CALD1: variants seen among roughly 807,000 people sequenced by gnomAD.
The protein encoded by CALD1 is caldesmon.
In CALD1, 33 loss-of-function variants were observed where a neutral mutation model predicts 99.9. The observed-to-expected ratio is 0.33, with a 90% CI of 0.25 to 0.44. CALD1 has a LOEUF of 0.44. Ranked by LOEUF, CALD1 falls within the 20% of genes least tolerant of loss-of-function variation. The pLI is 1.00. For missense variants in CALD1, 861 were observed against 962.1 expected (o/e 0.89, Z 1.39); for synonymous variants, 310 against 325.0 (o/e 0.95, Z 0.50).
At chr7:134,813,894 G>C (rs1798455502) in intron 1 of CALD1, among the ~76,000 whole-genome samples, 1 of 152,190 alleles carries the variant, frequency 6.6e-6, no homozygotes, top group Admixed American at 6.5e-5. Context: ...AGCTGGTAAA[G>C]GACGGTGGGT....
intron 8 of CALD1, chr7:134,948,229 T>A (rs1020983063): frequency 2.6e-5 from 4 of 156,794 alleles, no homozygotes; most frequent in Admixed American, 2.5e-4. Flanking sequence ...AAATCTTTTT[T>A]TTTTTTTAAT....
At chr7:134,737,993 C>T in the CALD1 span, among the ~76,000 whole-genome samples, 2 of 152,112 alleles carry the variant, frequency 1.3e-5, no homozygotes, top group East Asian at 3.8e-4. Context: ...TTTTTTTCCA[C>T]AAAGAGAGAC....
intron 3 of CALD1, among the ~76,000 whole-genome samples, chr7:134,913,990 T>C (rs1415006705): frequency 6.6e-6 from 1 of 152,194 alleles, no homozygotes; most frequent in African/African-American, 2.4e-5. Flanking sequence ...CCTGATTTTG[T>C]AATTACTTTT....
At chr7:134,931,850 T>C (rs1805545374) in intron 4 of CALD1, among the ~76,000 whole-genome samples, 1 of 152,226 alleles carries the variant, frequency 6.6e-6, no homozygotes, top group Admixed American at 6.5e-5. Context: ...CCTTTATTCA[T>C]GGAAATCTTG....
chr7:134,775,114 T>C (rs1225648045), upstream of CALD1, among the ~76,000 whole-genome samples: 1 of 152,212 alleles, frequency 6.6e-6, no homozygotes, highest in Non-Finnish European at 1.5e-5. Context: ...AGTAGAAACT[T>C]TGAATCTAAA....
chr7:134,939,717 C>G (rs764452015), intron 6 of CALD1, among the ~76,000 whole-genome samples: 7 of 152,126 alleles, frequency 4.6e-5, no homozygotes, highest in Non-Finnish European at 7.4e-5. Flanking sequence ...AATCCCAGCA[C>G]TTTGGGAGGC....
intron 6 of CALD1, among the ~76,000 whole-genome samples, chr7:134,936,117 A>T (rs566054806): frequency 5.9e-5 from 9 of 152,054 alleles, no homozygotes; most frequent in Non-Finnish European, 8.8e-5. Flanking sequence ...CTGAATGCTA[A>T]TTTTTTTTCC....
Position 134,968,643 on chromosome 7 carries a change from A to G in CALD1, c.*298A>G. On this transcript the variant is annotated 3_prime_UTR_variant, in exon 15 of 15. Coordinates refer to ENST00000361675, the MANE Select transcript of CALD1 (RefSeq NM_033138.4). ...GTATCTGAGCAGTGATACCAACCAC[A>G]TCTGAAGTCAACAGAAGATCCAAGT... The G allele has an allele frequency of 1.6e-6, 1 of 614,760 alleles. No individual in the cohort carries two copies. The highest frequency in any genetic ancestry group is 3.0e-6 in the Non-Finnish European group (1 of 328,474). 38.1% of individuals were successfully genotyped at this position (614,760 alleles called of 1,614,324 possible).
intron 14 of CALD1, among the ~76,000 whole-genome samples, chr7:134,966,994 T>C (rs113536827): frequency 5.3e-5 from 8 of 152,232 alleles, no homozygotes; most frequent in African/African-American, 1.2e-4. Flanking sequence ...GGTATCTGAC[T>C]TCTCAGAATG....
intron 2 of CALD1, among the ~76,000 whole-genome samples, chr7:134,865,758 G>T (rs1800776838): frequency 1.3e-5 from 2 of 152,124 alleles, no homozygotes; most frequent in Admixed American, 1.3e-4. Context: ...CAGCCTGCTT[G>T]GAGATATTCA....
At chr7:134,951,962 G>T (rs1391358831) in intron 9 of CALD1, among the ~76,000 whole-genome samples, 1 of 152,142 alleles carries the variant, frequency 6.6e-6, no homozygotes. Flanking sequence ...CATCAACCTA[G>T]CTAGGTTATA....
intron 1 of CALD1, among the ~76,000 whole-genome samples, chr7:134,791,926 A>G (rs538603169): frequency 6.6e-6 from 1 of 152,344 alleles, no homozygotes; most frequent in South Asian, 2.1e-4. Flanking sequence ...TCCCATTTAT[A>G]AAGCCATCAG....
intron 3 of CALD1, chr7:134,920,764 C>A: frequency 1.0e-6 from 1 of 952,628 alleles, no homozygotes; most frequent in Non-Finnish European, 1.5e-6. Flanking sequence ...CAATAGCATT[C>A]ATTCTGTCAG....
chr7:134,879,952 AAGCCTGTACATTCAGGAGAGTCTCC>A (rs1801521127), intron 3 of CALD1, among the ~76,000 whole-genome samples: 1 of 152,194 alleles, frequency 6.6e-6, no homozygotes, highest in Admixed American at 6.5e-5. Flanking sequence ...TAGCAGCTAC[AAGCCTGTACATTCAGGAGAGTCTCC>A]AGAGTGTATT....
At chr7:134,919,436 G>C (rs1804451886) in intron 3 of CALD1, among the ~76,000 whole-genome samples, 2 of 152,160 alleles carry the variant, frequency 1.3e-5, no homozygotes, top group South Asian at 4.1e-4. Flanking sequence ...TCCCCTGTTA[G>C]GGTCTGTAAT....
chr7:134,873,914 A>G (rs1202955404), intron 3 of CALD1, among the ~76,000 whole-genome samples: 1 of 152,174 alleles, frequency 6.6e-6, no homozygotes, highest in Admixed American at 6.5e-5. Context: ...ATTTAATTTG[A>G]TTCTCTACAA....
intron 2 of CALD1, among the ~76,000 whole-genome samples, chr7:134,857,331 G>A (rs1180924433): frequency 1.3e-5 from 2 of 151,776 alleles, no homozygotes; most frequent in East Asian, 3.9e-4. Context: ...CACCACGCCC[G>A]GCTAATTTTT....
chr7:134,851,387 G>A (rs1253542458), intron 2 of CALD1, among the ~76,000 whole-genome samples: 2 of 152,154 alleles, frequency 1.3e-5, no homozygotes, highest in African/African-American at 4.8e-5. Flanking sequence ...TGCAAACAGT[G>A]TTCCGGTTAA....
chr7:134,946,929 C>G (rs1584643672), intron 7 of CALD1, among the ~76,000 whole-genome samples: 1 of 152,010 alleles, frequency 6.6e-6, no homozygotes, highest in Non-Finnish European at 1.5e-5. Flanking sequence ...TCAGGCAATC[C>G]GCCCGCCTCG....
Sources: gnomAD v4.1 joint callset for allele counts (sites outside exome capture counted in the v4.1 genomes callset) on GRCh38, gnomAD v4.1.1 for gene constraint, MANE v1.5 for transcripts, NCBI Gene and HGNC (gene_info 2026-07-23, HGNC 2026-07-21) for gene names.